Variants in BCAS1 observed in about 807,000 individuals in gnomAD.
BCAS1 encodes breast carcinoma-amplified sequence 1.
In BCAS1, 46 loss-of-function variants were observed where a neutral mutation model predicts 65.4. That is an observed-to-expected ratio of 0.70 (90% CI 0.55 to 0.90). The LOEUF (loss-of-function observed/expected upper bound fraction) is 0.90, where lower values mean the gene tolerates loss of function less well. Among genes scored for constraint, BCAS1 ranks in the 40% least tolerant of loss-of-function variants. The pLI, the probability that BCAS1 is intolerant of heterozygous loss-of-function variation, is 0.00. For synonymous variants in BCAS1, 298 were observed against 293.5 expected (o/e 1.02, Z -0.16); for missense variants, 793 against 771.2 (o/e 1.03, Z -0.33).
At chr20:54,027,436 A>G (rs550252771) in intron 4 of BCAS1, among the ~76,000 whole-genome samples, 10 of 152,360 alleles carry the variant, frequency 6.6e-5, no homozygotes, top group African/African-American at 2.4e-4. Flanking sequence ...TGTAATTATT[A>G]GCACTTCGGA....
chr20:53,955,182 T>C (rs1190309751), intron 11 of BCAS1, among the ~76,000 whole-genome samples: 2 of 152,116 alleles, frequency 1.3e-5, no homozygotes, highest in Non-Finnish European at 1.5e-5. Flanking sequence ...CCCTTAGAAG[T>C]AAGCGGGAAG....
In BCAS1 at chr20:54,021,860, C is replaced by T. The variant is rs146777745; in HGVS notation, c.723+6532G>A. Among the ~76,000 whole-genome samples the T allele has an allele frequency of 1.9e-3, 292 of 152,164 alleles. 1 individual carries two copies. Among genetic ancestry groups the T allele is most frequent in the South Asian group, 0.01 (49 of 4,812 alleles). ...TTTTAAGTTCTGGGGTACACGTGCACGTCACCCGGGCTCCTGCACATCCTG... is the reference window on the plus strand; with the variant it reads ...TTTTAAGTTCTGGGGTACACGTGCATGTCACCCGGGCTCCTGCACATCCTG... On this transcript the variant is annotated intron_variant, in intron 4 of 12. Coordinates refer to ENST00000688948, the MANE Select transcript of BCAS1 (RefSeq NM_001366298.2).
At chr20:54,007,476 C>T (rs1487425097) in intron 4 of BCAS1, among the ~76,000 whole-genome samples, 2 of 152,206 alleles carry the variant, frequency 1.3e-5, no homozygotes, top group Admixed American at 1.3e-4. Flanking sequence ...TTCAAAAGAA[C>T]TCCAGGAACA....
intron 3 of BCAS1, among the ~76,000 whole-genome samples, chr20:54,046,595 G>T (rs1329621992): frequency 6.7e-6 from 1 of 149,524 alleles, no homozygotes; most frequent in Non-Finnish European, 1.5e-5. Flanking sequence ...TGTAATTCTA[G>T]CACTTTGGGA....
intron 7 of BCAS1, among the ~76,000 whole-genome samples, chr20:53,989,414 T>C (rs2090698489): frequency 6.6e-6 from 1 of 152,226 alleles, no homozygotes; most frequent in Non-Finnish European, 1.5e-5. Flanking sequence ...TTGGTCATCA[T>C]CATATCCTAA....
At chr20:54,004,029 A>G (rs1280329432) in intron 4 of BCAS1, among the ~76,000 whole-genome samples, 1 of 152,188 alleles carries the variant, frequency 6.6e-6, no homozygotes, top group Admixed American at 6.5e-5. Context: ...GCGCACACAC[A>G]CAGTTATTCT....
rs780562569 is a variant in BCAS1, at chr20:54,028,712, T to C, written c.403A>G (p.Ser135Gly). 1.9e-6 allele frequency: 3 copies of C among 1,614,210 alleles called. No homozygotes were observed. The highest frequency in any genetic ancestry group is 1.3e-5 in the African/African-American group (1 of 75,044). ...GCCACCGGAAGTGTCCAGCTCTCAC[T>C]TGGGTCTTTGTTCGCTGGAGCTTTA... is the stretch of plus-strand genomic sequence containing the variant. ...SNKAPANKDP[S>G]ESWTLPVAAG... Residue 135 changes from serine (S) to glycine (G), a missense_variant, in exon 4 of 13, where the codon AGT (serine) becomes GGT (glycine). Ser to Gly is a moderately conservative substitution (Grantham distance 56). Coordinates refer to ENST00000688948, the MANE Select transcript of BCAS1 (RefSeq NM_001366298.2).
chr20:53,995,309 T>A (rs1373634221), intron 5 of BCAS1, among the ~76,000 whole-genome samples: 1 of 152,218 alleles, frequency 6.6e-6, no homozygotes, highest in Non-Finnish European at 1.5e-5. Context: ...AATTGTCTCC[T>A]GGAAGACCAC....
intron 8 of BCAS1, among the ~76,000 whole-genome samples, chr20:53,982,768 A>G (rs1164945096): frequency 6.6e-6 from 1 of 152,216 alleles, no homozygotes. Context: ...ACAAGAATAT[A>G]AGCTAGGAAA....
In BCAS1 at chr20:54,057,317, T is replaced by A. The variant is rs532107770; in HGVS notation, c.142+768A>T. Among the ~76,000 whole-genome samples the A allele has an allele frequency of 2.0e-5, 3 of 152,362 alleles. No homozygotes were observed. The East Asian group carries it at 5.8e-4, about 29-fold the overall frequency. ...ATATATGAAATATCGCTGGAGACTA[T>A]GTTAAATGTTTAATAAACAACCTCC... On this transcript the variant is annotated intron_variant, in intron 3 of 12. Coordinates refer to ENST00000688948, the MANE Select transcript of BCAS1 (RefSeq NM_001366298.2).
intron 3 of BCAS1, among the ~76,000 whole-genome samples, chr20:54,039,260 C>T (rs895341985): frequency 6.6e-6 from 1 of 151,414 alleles, no homozygotes; most frequent in Non-Finnish European, 1.5e-5. Context: ...ACTGAATGAT[C>T]GCATTTCATG....
chr20:54,003,398 T>C (rs1458361619), intron 4 of BCAS1, among the ~76,000 whole-genome samples: 1 of 152,218 alleles, frequency 6.6e-6, no homozygotes, highest in Non-Finnish European at 1.5e-5. Flanking sequence ...TTTTGAAATC[T>C]ATTCTTCACG....
At chr20:54,059,858 G>A (rs775286690) in intron 1 of BCAS1, among the ~76,000 whole-genome samples, 1 of 152,150 alleles carries the variant, frequency 6.6e-6, no homozygotes, top group Non-Finnish European at 1.5e-5. Context: ...AAGTATATGT[G>A]GTCCATCATT....
chr20:54,064,056 T>A (rs1276691356), intron 1 of BCAS1, among the ~76,000 whole-genome samples: 1 of 152,050 alleles, frequency 6.6e-6, no homozygotes, highest in African/African-American at 2.4e-5. Context: ...CCACTGGGGG[T>A]TGATTGTGGA....
intron 3 of BCAS1, among the ~76,000 whole-genome samples, chr20:54,035,252 T>A (rs2091877325): frequency 6.7e-6 from 1 of 150,092 alleles, no homozygotes; most frequent in Non-Finnish European, 1.5e-5. Flanking sequence ...TACAAAAAAT[T>A]AGCCGGGTGT....
intron 4 of BCAS1, among the ~76,000 whole-genome samples, chr20:54,006,718 A>AAG (rs1555864392): frequency 1.4e-4 from 21 of 151,326 alleles, no homozygotes; most frequent in East Asian, 3.9e-4. Flanking sequence ...TCAAAAAAAA[A>AAG]AAAAAAAAAG....
chr20:53,960,469 TAA>T (rs11467629), intron 10 of BCAS1, among the ~76,000 whole-genome samples: 3,546 of 63,002 alleles, frequency 0.056, 158 homozygotes, highest in East Asian at 0.35. Flanking sequence ...TTCAACTTCT[TAA>T]AAAAAAAAAA....
At chr20:53,985,621 A>G in intron 7 of BCAS1, 122 bp from the exon 8 acceptor site, 1 of 836,806 alleles carries the variant, frequency 1.2e-6, no homozygotes, top group Non-Finnish European at 1.8e-6. Context: ...TCTTCTTTAT[A>G]TTTTTCTGTA....
Position 54,043,044 on chromosome 20 carries a change from T to A in BCAS1, c.143-14072A>T, listed in dbSNP as rs927541973. Among the ~76,000 whole-genome samples, 40 of 152,220 alleles carry A rather than the reference T, an allele frequency of 2.6e-4. 1 individual carries two copies. Among genetic ancestry groups the A allele is most frequent in the African/African-American group, 8.7e-4 (36 of 41,454 alleles). On this transcript the variant is annotated intron_variant, in intron 3 of 12. Transcript: ENST00000688948. ...CTTTTTATATCACCTGGAGCTGATG[T>A]AACTCTCAGAAGGCATTTTTAAGAG...
Sources: gnomAD v4.1 joint callset for allele counts (sites outside exome capture counted in the v4.1 genomes callset) on GRCh38, gnomAD v4.1.1 for gene constraint, MANE v1.5 for transcripts, NCBI Gene and HGNC (gene_info 2026-07-23, HGNC 2026-07-21) for gene names.